The following RGS22 variants were observed in gnomAD, a reference collection of about 807,000 sequenced individuals.
RGS22 encodes regulator of G-protein signaling 22.
In RGS22, 148 loss-of-function variants were observed where a neutral mutation model predicts 172.9. The observed-to-expected ratio is 0.86, with a 90% CI of 0.75 to 0.98. The LOEUF is 0.98. RGS22 is among the 50% of genes least tolerant of loss of function. The pLI is 0.00. For synonymous variants in RGS22, 458 were observed against 480.2 expected (o/e 0.95, Z 0.60); for missense variants, 1,347 against 1,440.8 (o/e 0.93, Z 1.05).
At chr8:99,995,650 T>C (rs952008461) in intron 20 of RGS22, among the ~76,000 whole-genome samples, 1 of 152,254 alleles carries the variant, frequency 6.6e-6, no homozygotes, top group Non-Finnish European at 1.5e-5. Context: ...GGAATGCTTT[T>C]ACACCGTTGG....
chr8:100,093,765 A>G (rs1025870732), intron 2 of RGS22, among the ~76,000 whole-genome samples: 1 of 152,216 alleles, frequency 6.6e-6, no homozygotes, highest in Non-Finnish European at 1.5e-5. Flanking sequence ...ACTTAGTTGG[A>G]AAACAGAACA....
At chr8:100,102,298 G>T (rs1329350277) in intron 2 of RGS22, among the ~76,000 whole-genome samples, 2 of 152,174 alleles carry the variant, frequency 1.3e-5, no homozygotes, top group Non-Finnish European at 2.9e-5. Context: ...TTGGTTCTGT[G>T]ACCATGTTTG....
intron 16 of RGS22, chr8:100,004,775 C>T (rs1815500233): frequency 6.6e-6 from 1 of 151,002 alleles, no homozygotes; most frequent in Non-Finnish European, 1.5e-5. Context: ...TAGAGTAATA[C>T]AAGCTACTAA....
chr8:100,018,212 CA>C (rs68011450), intron 14 of RGS22, among the ~76,000 whole-genome samples: 79,286 of 134,870 alleles, frequency 0.59, 21,740 homozygotes, highest in Admixed American at 0.63. Flanking sequence ...GCATCTGTAT[CA>C]AAAAAAAAAA....
intron 5 of RGS22, among the ~76,000 whole-genome samples, 156 bp downstream of exon 5, chr8:100,071,989 G>A (rs1811017021): frequency 6.6e-6 from 1 of 152,240 alleles, no homozygotes; most frequent in South Asian, 2.1e-4. Flanking sequence ...TTGAAGCCAG[G>A]AGTTCGAGAC....
At chr8:100,097,628 G>A (rs1813079709) in intron 2 of RGS22, among the ~76,000 whole-genome samples, 2 of 152,182 alleles carry the variant, frequency 1.3e-5, no homozygotes, top group African/African-American at 2.4e-5. Flanking sequence ...AAGTTTCTCT[G>A]CACGTTATGG....
intron 24 of RGS22, among the ~76,000 whole-genome samples, chr8:99,964,184 A>C (rs991352195): frequency 7.2e-5 from 11 of 152,150 alleles, no homozygotes; most frequent in Middle Eastern, 3.4e-3. Flanking sequence ...GAAGCCTGTT[A>C]CCTCACACCT....
rs966148277 is a variant in RGS22, at chr8:99,961,199, G to A, written c.*46-3C>T. The A allele has an allele frequency of 1.1e-5, 5 of 451,782 alleles. No individual in the cohort carries two copies. Among genetic ancestry groups the A allele is most frequent in the African/African-American group, 1.0e-4 (5 of 49,870 alleles). The allele number at this position is 451,782 out of a possible 1,614,324, so 28.0% of individuals were successfully genotyped here. ...GCAGAATCTGGTTTAAAGAATTCCT[G>A]CAAAGGAAACATAAATGGATGAAAA... On this transcript the variant is annotated splice_region_variant and splice_polypyrimidine_tract_variant and intron_variant, in intron 27 of 27. Coordinates refer to ENST00000360863, the MANE Select transcript of RGS22 (RefSeq NM_015668.5).
In RGS22 at chr8:99,960,982, T is replaced by C; in HGVS notation, c.*260A>G. On this transcript the variant is annotated 3_prime_UTR_variant, in exon 28 of 28. Transcript: ENST00000360863. The stretch of plus-strand genomic sequence containing the variant: ...TAGTAGTTGTTTTATTCTAAATAAG[T>C]TAAACAGTTCTTATAGTCTTGTATG... The C allele has an allele frequency of 4.2e-6, 1 of 235,494 alleles. No homozygotes were observed. The highest frequency in any genetic ancestry group is 8.5e-6 in the Non-Finnish European group (1 of 117,362). The allele number at this position is 235,494 out of a possible 1,614,324, so 14.6% of individuals were successfully genotyped here. A position where few individuals can be genotyped will look rare whatever the true frequency, so the allele number is the denominator to read the frequency against.
chr8:99,996,613 G>A (rs1814419253), intron 19 of RGS22, 83 bp from the exon 20 acceptor site: 2 of 1,126,896 alleles, frequency 1.8e-6, no homozygotes, highest in South Asian at 2.7e-5. Flanking sequence ...CTAAAAAAAT[G>A]AGATAAAGGT....
In RGS22 at chr8:100,047,582, G is replaced by A. The variant is rs943198431; in HGVS notation, c.1704C>T (p.Ser568=). The stretch of plus-strand genomic sequence containing the variant: ...TGGGAGATTTAGGAGGTTGTGATAA[G>A]CTGAATTCTTCTTTCTAAAAGATGG... The part of the protein sequence containing the change: ...QIPEIQKEEF[S]LSQPPKSPNK... Residue 568 remains serine, a synonymous_variant, in exon 11 of 28, where the codon AGC becomes AGT. Transcript: ENST00000360863. 6.2e-7 allele frequency: 1 copy of A among 1,608,668 alleles called. No homozygotes were observed. Among genetic ancestry groups the A allele is most frequent in the South Asian group, 1.1e-5 (1 of 89,554 alleles).
At chr8:100,073,992 T>C (rs1019538941) in intron 4 of RGS22, among the ~76,000 whole-genome samples, 24 of 152,136 alleles carry the variant, frequency 1.6e-4, no homozygotes, top group Non-Finnish European at 2.9e-4. Context: ...TGATCAACCA[T>C]AAAATAACTT....
chr8:100,042,134 G>A (rs1445052168), intron 11 of RGS22, among the ~76,000 whole-genome samples: 1 of 152,126 alleles, frequency 6.6e-6, no homozygotes, highest in Non-Finnish European at 1.5e-5. Flanking sequence ...AATAACTGCT[G>A]GTTAGATGAA....
intron 11 of RGS22, among the ~76,000 whole-genome samples, chr8:100,043,226 G>A (rs1370972567): frequency 6.6e-6 from 1 of 152,168 alleles, no homozygotes; most frequent in Non-Finnish European, 1.5e-5. Flanking sequence ...ATATCCACCT[G>A]TACCCATCCT....
At chr8:100,044,115 C>T (rs1224513680) in intron 11 of RGS22, among the ~76,000 whole-genome samples, 1 of 152,126 alleles carries the variant, frequency 6.6e-6, no homozygotes, top group East Asian at 1.9e-4. Flanking sequence ...AAGGCCTGGG[C>T]CCAAAAGGAT....
intron 15 of RGS22, among the ~76,000 whole-genome samples, chr8:100,007,758 C>A (rs1473457065): frequency 2.2e-5 from 3 of 138,436 alleles, no homozygotes; most frequent in African/African-American, 8.1e-5. Context: ...TTTCGTTAGA[C>A]AACAATAAGA....
intron 21 of RGS22, among the ~76,000 whole-genome samples, chr8:99,983,844 GA>G (rs1295776694): frequency 6.6e-6 from 1 of 151,994 alleles, no homozygotes; most frequent in East Asian, 1.9e-4. Flanking sequence ...CTCTACTATG[GA>G]TATTACAAAA....
At chr8:100,093,173 A>C (rs969578626) in intron 3 of RGS22, 6 of 267,262 alleles carry the variant, frequency 2.2e-5, no homozygotes, top group Non-Finnish European at 4.2e-5. Context: ...CAAAAAAAAA[A>C]GCCTAACATG....
At chr8:99,992,139 C>T (rs1353360281) in intron 20 of RGS22, among the ~76,000 whole-genome samples, 1 of 152,176 alleles carries the variant, frequency 6.6e-6, no homozygotes, top group Non-Finnish European at 1.5e-5. Context: ...AAAGAAACAA[C>T]CAGTACCAGC....
Sources: allele counts gnomAD v4.1 joint callset (sites outside exome capture counted in the v4.1 genomes callset), GRCh38; gene constraint gnomAD v4.1.1; transcripts MANE v1.5; gene names NCBI Gene and HGNC (gene_info 2026-07-23, HGNC 2026-07-21).